Variants in PCDHGA6 observed in about 807,000 individuals in gnomAD.
PCDHGA6 encodes protocadherin gamma-A6.
PCDHGA6 carries 41 observed loss-of-function variants against 60.6 expected under a neutral mutation model. The observed-to-expected ratio is 0.68, with a 90% CI of 0.53 to 0.88. The LOEUF is 0.88. Among genes scored for constraint, PCDHGA6 ranks in the 40% least tolerant of loss-of-function variants. PCDHGA6 has a pLI of 0.00. For missense variants in PCDHGA6, 1,312 were observed against 1,203.0 expected (o/e 1.09, Z -1.34); for synonymous variants, 594 against 524.4 (o/e 1.13, Z -1.81).
intron 1 of PCDHGA6, chr5:141,378,176 C>A (rs541529562): frequency 6.6e-6 from 1 of 152,124 alleles, no homozygotes; most frequent in South Asian, 2.1e-4. Context: ...AACTAAGCAC[C>A]GATGCTGTGT....
Position 141,511,983 on chromosome 5 carries a change from G to C in PCDHGA6, c.*810G>C, listed in dbSNP as rs904146751. On this transcript the variant is annotated 3_prime_UTR_variant, in exon 4 of 4. Coordinates refer to ENST00000517434, the MANE Select transcript of PCDHGA6 (RefSeq NM_018919.3). ...AGGGAAGTGTGTGGATGTGGATGGT[G>C]GGGGCATGGACAAAGCTTGACACAT... 6.5e-6 allele frequency: 1 copy of C among 153,280 alleles called. No individual in the cohort carries two copies. The allele number at this position is 153,280 out of a possible 1,614,324, so 9.5% of individuals were successfully genotyped here.
chr5:141,423,170 A>G, intron 1 of PCDHGA6: 8 of 1,613,504 alleles, frequency 5.0e-6, no homozygotes, highest in Non-Finnish European at 6.8e-6. Context: ...GTGGCCGTCC[A>G]GGACCACGGC....
Position 141,375,304 on chromosome 5 carries a change from T to C in PCDHGA6, c.1221T>C (p.Asn407=), listed in dbSNP as rs1436249937. The C allele has an allele frequency of 2.5e-6, 4 of 1,613,762 alleles. No individual in the cohort carries two copies. Among genetic ancestry groups the C allele is most frequent in the Non-Finnish European group, 3.4e-6 (4 of 1,179,880 alleles). The change falls in exon 1 of 4, where the codon AAT becomes AAC. Residue 407 remains asparagine (N), a synonymous_variant. Transcript: ENST00000517434. ...GCAATTATTATCGATTAGTGACAAA[T>C]GCAGCTCTAGACCGGGAAGAGGTAT... ...SVGNYYRLVT[N]AALDREEVFL...
intron 1 of PCDHGA6, chr5:141,409,672 T>C (rs1411780634): frequency 2.5e-6 from 4 of 1,613,458 alleles, no homozygotes; most frequent in Non-Finnish European, 2.5e-6. Flanking sequence ...TCTCCTACTC[T>C]ATAGTGGCGA....
Position 141,375,766 on chromosome 5 carries a change from G to A in PCDHGA6, c.1683G>A (p.Glu561=). 2 of 1,614,270 alleles carry A rather than the reference G, an allele frequency of 1.2e-6. No homozygotes were observed. Among genetic ancestry groups the A allele is most frequent in the Non-Finnish European group, 1.7e-6 (2 of 1,180,052 alleles). Residue 561 remains glutamate (E), a synonymous_variant, in exon 1 of 4, where the codon GAG becomes GAA. Coordinates refer to ENST00000517434, the MANE Select transcript of PCDHGA6 (RefSeq NM_018919.3). ...FVLDQNDNAP[E]ILYPALPTDG... ...TGGACCAGAATGACAATGCGCCCGA[G>A]ATCCTGTACCCCGCCCTCCCCACAG...
At chr5:141,423,982 T>C in intron 1 of PCDHGA6, 3 of 1,106,134 alleles carry the variant, frequency 2.7e-6, no homozygotes, top group Non-Finnish European at 3.4e-6. Flanking sequence ...TGTATGAGGC[T>C]CTCAATTTAT....
Position 141,476,758 on chromosome 5 carries a change from G to A in PCDHGA6, c.2425-18049G>A. On this transcript the variant is annotated intron_variant, in intron 1 of 3. Transcript: ENST00000517434. The surrounding 1 kb of genome is among the most constrained non-coding windows in gnomAD (Gnocchi z 7.6). Reference sequence around the variant, plus strand: ...GGGAGCCTAGTCTCCAGTTAGTGCTGACGGCGTTGGACGGAGGGACCCCAG... The same window carrying A: ...GGGAGCCTAGTCTCCAGTTAGTGCTAACGGCGTTGGACGGAGGGACCCCAG... 1 of 1,613,868 alleles carries A rather than the reference G, an allele frequency of 6.2e-7. No homozygotes were observed. The highest frequency in any genetic ancestry group is 1.1e-5 in the South Asian group (1 of 91,086).
intron 1 of PCDHGA6, chr5:141,399,769 G>A (rs369379702): frequency 2.6e-5 from 42 of 1,613,216 alleles, no homozygotes; most frequent in Non-Finnish European, 3.5e-5. Flanking sequence ...GCGCGTGTTG[G>A]TGGGCGACCG....
chr5:141,486,730 T>G lies in PCDHGA6; in HGVS notation c.2425-8077T>G, dbSNP rs775081505. On this transcript the variant is annotated intron_variant, in intron 1 of 3. Coordinates refer to ENST00000517434, the MANE Select transcript of PCDHGA6 (RefSeq NM_018919.3). This position sits in a 1 kb window ranked among gnomAD's most constrained non-coding sequence, Gnocchi z 5.0. ...ACCCCCAGACAGGAGCTGTTCATGC[T>G]ACTCGATCCTTTGACTATGAGCAAA... is the stretch of plus-strand genomic sequence containing the variant. 6.2e-7 allele frequency: 1 copy of G among 1,614,238 alleles called. No individual in the cohort carries two copies. The highest frequency in any genetic ancestry group is 8.5e-7 in the Non-Finnish European group (1 of 1,180,042).
intron 1 of PCDHGA6, chr5:141,478,664 C>T (rs2099470287): frequency 1.3e-6 from 2 of 1,551,788 alleles, no homozygotes; most frequent in Non-Finnish European, 1.7e-6. Context: ...GATGCATTCA[C>T]ACTTTCAACT....
chr5:141,442,051 C>G (rs1384937090), intron 1 of PCDHGA6: 1 of 197,158 alleles, frequency 5.1e-6, no homozygotes, highest in East Asian at 1.8e-4. Context: ...CTACTGGTCG[C>G]GGTGCACTGC....
At chr5:141,383,861 C>A (rs1284375260) in intron 1 of PCDHGA6, 1 of 1,613,936 alleles carries the variant, frequency 6.2e-7, no homozygotes, top group East Asian at 2.2e-5. Context: ...GAGGTTCAGG[C>A]TCAAGATGGT....
chr5:141,390,170 T>C lies in PCDHGA6; in HGVS notation c.2424+13663T>C, dbSNP rs773539625. 5 of 1,613,940 alleles carry C rather than the reference T, an allele frequency of 3.1e-6. No individual in the cohort carries two copies. In the African/African-American group the frequency reaches 6.7e-5, roughly 22 times the overall value. ...TTGCACATACAGGAAAGACGGAGTTTAATTTCCTAAAATGTAGTGAGCAGT... is the reference window on the plus strand; with the variant it reads ...TTGCACATACAGGAAAGACGGAGTTCAATTTCCTAAAATGTAGTGAGCAGT... On this transcript the variant is annotated intron_variant, in intron 1 of 3. Transcript: ENST00000517434.
chr5:141,506,444 CAAAAAA>C (rs1219684339), intron 3 of PCDHGA6, among the ~76,000 whole-genome samples: 1 of 95,026 alleles, frequency 1.1e-5, no homozygotes, highest in African/African-American at 4.0e-5. Flanking sequence ...CGCTCTGTCT[CAAAAAA>C]AAAAAAAAAA....
At position 141,486,169 on chromosome 5, in the gene PCDHGA6, A is replaced by G. The variant is rs2099625537; in HGVS notation, c.2425-8638A>G. The G allele has an allele frequency of 1.2e-6, 2 of 1,614,088 alleles. No individual in the cohort carries two copies. Among genetic ancestry groups the G allele is most frequent in the East Asian group, 2.2e-5 (1 of 44,890 alleles). On this transcript the variant is annotated intron_variant, in intron 1 of 3. Transcript: ENST00000517434. The surrounding 1 kb of genome is among the most constrained non-coding windows in gnomAD (Gnocchi z 5.0). ...ATGGGGGTTCTCCAGCCATGGAGCA[A>G]CATTGCAGCCTTCGAGTGGATCTGC...
chr5:141,383,541 C>T lies in PCDHGA6; in HGVS notation c.2424+7034C>T, dbSNP rs1197504109. 4 of 1,612,656 alleles carry T rather than the reference C, an allele frequency of 2.5e-6. No individual in the cohort carries two copies. In the East Asian group the frequency reaches 6.7e-5, roughly 27 times the overall value. ...GGGTTCACCACCTGGTCCTCACAGC[C>T]TCTGATGGCGGCGACCCGCCCCGAT... On this transcript the variant is annotated intron_variant, in intron 1 of 3. Coordinates refer to ENST00000517434, the MANE Select transcript of PCDHGA6 (RefSeq NM_018919.3).
chr5:141,379,025 A>T (rs1320260929), intron 1 of PCDHGA6: 4 of 152,244 alleles, frequency 2.6e-5, no homozygotes, highest in African/African-American at 9.6e-5. Flanking sequence ...GAGTTGGAAG[A>T]TTCTACAATC....
At chr5:141,442,737 G>A (rs1376026431) in intron 1 of PCDHGA6, among the ~76,000 whole-genome samples, 1 of 152,152 alleles carries the variant, frequency 6.6e-6, no homozygotes, top group Non-Finnish European at 1.5e-5. Flanking sequence ...CTGTAGGTAA[G>A]GAGCATGTTT....
rs545421792 is a variant in PCDHGA6 at position 141,414,806 on chromosome 5, C to T, written c.2424+38299C>T. ...GTGACAGCCAGCGACAGCGGGGATC[C>T]TCCACTCAGCAGCAACGTGTCGTTG... On this transcript the variant is annotated intron_variant, in intron 1 of 3. Coordinates refer to ENST00000517434, the MANE Select transcript of PCDHGA6 (RefSeq NM_018919.3). 2.2e-5 allele frequency: 36 copies of T among 1,614,244 alleles called. No individual in the cohort carries two copies. The South Asian group carries it at 3.1e-4, about 14-fold the overall frequency.
Sources: allele counts gnomAD v4.1 joint callset (sites outside exome capture counted in the v4.1 genomes callset), GRCh38; gene constraint gnomAD v4.1.1; non-coding constraint Gnocchi (gnomAD v3.1); transcripts MANE v1.5; gene names NCBI Gene and HGNC (gene_info 2026-07-23, HGNC 2026-07-21).